NUP58: variants seen among roughly 807,000 people sequenced by gnomAD.
The protein encoded by NUP58 is nucleoporin p58/p45.
Under a neutral mutation model 70.1 loss-of-function variants are expected in NUP58, and 17 were observed. The ratio of observed to expected loss-of-function variants is 0.24; its 90% CI spans 0.17 to 0.36. NUP58 has a LOEUF of 0.36. Ranked by LOEUF, NUP58 falls within the 10% of genes least tolerant of loss-of-function variation. The probability of loss-of-function intolerance (pLI) is 1.00; values close to 1 mark genes in which losing one functional copy is unlikely to be tolerated. For synonymous variants in NUP58, 275 were observed against 257.6 expected, an observed-to-expected ratio of 1.07 and a Z score of -0.65; for missense variants, 644 against 701.5, an observed-to-expected ratio of 0.92 and a Z score of 0.93.
chr13:25,340,190 A>G lies in NUP58; in HGVS notation c.*56A>G, dbSNP rs964080102. ...GCAGCACCGTTCATTCTATGAGTCT[A>G]TTTTTCTAATGATGCAGTAATTAAA... On this transcript the variant is annotated 3_prime_UTR_variant, in exon 16 of 16. Transcript: ENST00000381736. 2.8e-5 allele frequency: 39 copies of G among 1,382,018 alleles called. No individual in the cohort carries two copies. Among genetic ancestry groups the G allele is most frequent in the Non-Finnish European group, 3.5e-5 (37 of 1,049,206 alleles). 85.6% of individuals were successfully genotyped at this position (1,382,018 alleles called of 1,614,324 possible). A position where few individuals can be genotyped will look rare whatever the true frequency, so the allele number is the denominator to read the frequency against.
chr13:25,336,761 T>C (rs1219150092), intron 13 of NUP58, among the ~76,000 whole-genome samples, 175 bp from the exon 14 acceptor site: 1 of 152,144 alleles, frequency 6.6e-6, no homozygotes, highest in East Asian at 1.9e-4. Context: ...TAAATCAGTT[T>C]GGATAGGTAA....
At chr13:25,304,521 T>TA (rs1491553153) in intron 1 of NUP58, among the ~76,000 whole-genome samples, 32 of 53,368 alleles carry the variant, frequency 6.0e-4, no homozygotes, top group African/African-American at 1.8e-3. Context: ...TATATATGTA[T>TA]TTTTTTTTTT....
chr13:25,312,564 C>G (rs952656459), intron 3 of NUP58, among the ~76,000 whole-genome samples: 1 of 152,150 alleles, frequency 6.6e-6, no homozygotes, highest in Non-Finnish European at 1.5e-5. Flanking sequence ...GGCAGGGTTT[C>G]ACCGTGTTGG....
intron 9 of NUP58, among the ~76,000 whole-genome samples, chr13:25,322,935 T>G (rs547863685): frequency 1.9e-4 from 29 of 152,286 alleles, no homozygotes; most frequent in African/African-American, 7.0e-4. Flanking sequence ...TATATATAAG[T>G]TATTTAGAAA....
chr13:25,301,865 G>A lies in NUP58; in HGVS notation c.92G>A (p.Gly31Glu), dbSNP rs776292538. Residue 31 changes from glycine (G) to glutamate (E), a missense_variant, in exon 1 of 16, where the codon GGA (glycine) becomes GAA (glutamate). Around this residue, in one of 4 missense-constraint regions of NUP58, gnomAD observed 430 missense variants for 409.2 expected, o/e 1.05. Coordinates refer to ENST00000381736, the MANE Select transcript of NUP58 (RefSeq NM_014089.4). ...AGCACAGGCGGCGTTTTCTCCTTCG[G>A]AACGGGAGCGTCTAGGTAACCGCAC... ...GTSTGGVFSF[G>E]TGASSNPSVG... 1.9e-6 allele frequency: 3 copies of A among 1,612,684 alleles called. No individual in the cohort carries two copies. The highest frequency in any genetic ancestry group is 1.3e-5 in the African/African-American group (1 of 74,916).
Position 25,327,441 on chromosome 13 carries a change from G to T in NUP58, c.1162G>T (p.Ala388Ser), listed in dbSNP as rs746741350. The change falls in exon 12 of 16, where the codon GCT becomes TCT. Residue 388 changes from alanine (A) to serine (S), a missense_variant. Physicochemically the swap from Ala to Ser is moderately conservative, Grantham distance 99 (BLOSUM62 1). This residue lies in a region of NUP58 where 78 missense variants were observed against 71.3 expected (regional missense o/e 1.09). Coordinates refer to ENST00000381736, the MANE Select transcript of NUP58 (RefSeq NM_014089.4). The part of the protein sequence containing the change: ...SHITPQDLSM[A>S]MQKIYQTFVA... ...ATTTTCTTTTATAGATTTGTCAATG[G>T]CTATGCAGAAAATTTATCAAACATT... 49 of 1,602,306 alleles carry T rather than the reference G, an allele frequency of 3.1e-5. No individual in the cohort carries two copies. Among genetic ancestry groups the T allele is most frequent in the Non-Finnish European group, 3.8e-5 (44 of 1,171,010 alleles).
At chr13:25,328,027 C>T (rs1457248914) in intron 12 of NUP58, among the ~76,000 whole-genome samples, 10 of 151,792 alleles carry the variant, frequency 6.6e-5, no homozygotes, top group Admixed American at 2.6e-4. Context: ...GGTGAAACCC[C>T]GTCTCTACTA....
Position 25,304,478 on chromosome 13 carries a change from TTATATATATATATATATATATATA to T in NUP58, c.107+2614_107+2637del, listed in dbSNP as rs67019897. Among the ~76,000 whole-genome samples the T allele has an allele frequency of 0.017, 1,397 of 83,440 alleles. 110 individuals are homozygous for T. The East Asian group carries it at 0.22, about 13-fold the overall frequency. The allele number at this position is 83,440 out of a possible 152,430, so 54.7% of individuals were successfully genotyped here. A position where few individuals can be genotyped will look rare whatever the true frequency, so the allele number is the denominator to read the frequency against. On this transcript the variant is annotated intron_variant, in intron 1 of 15. Transcript: ENST00000381736. ...AATGTCTTCAGTTATGTTGTCAAGA[TTATATATATATATATATATATATA>T]TATATATATATATATGTATTTTTTT...
intron 9 of NUP58, 136 bp from the exon 10 acceptor site, chr13:25,324,853 A>C: frequency 1.6e-6 from 1 of 644,374 alleles, no homozygotes; most frequent in Non-Finnish European, 2.7e-6. Context: ...CATCCATAAT[A>C]TGTTCTTATA....
chr13:25,307,554 T>A (rs1019986418), intron 1 of NUP58, among the ~76,000 whole-genome samples: 4 of 152,124 alleles, frequency 2.6e-5, no homozygotes, highest in African/African-American at 9.7e-5. Context: ...CTTTTACATG[T>A]GGATTTATTT....
At chr13:25,345,142 T>C (rs1326619747), downstream of NUP58, among the ~76,000 whole-genome samples, 1 of 152,222 alleles carries the variant, frequency 6.6e-6, no homozygotes, top group African/African-American at 2.4e-5. Flanking sequence ...TGAATATTAC[T>C]GTGTAAAGCA....
At chr13:25,321,462 G>C (rs555242574) in intron 9 of NUP58, among the ~76,000 whole-genome samples, 5 of 152,146 alleles carry the variant, frequency 3.3e-5, no homozygotes, top group Non-Finnish European at 7.4e-5. Context: ...AACTAACTAG[G>C]TTTCGTAAGT....
rs1335297770 is a variant in NUP58 at position 25,337,054 on chromosome 13, A to G, written c.1534+20A>G. The G allele has an allele frequency of 6.6e-7, 1 of 1,519,462 alleles. No homozygotes were observed. The highest frequency in any genetic ancestry group is 1.4e-5 in the African/African-American group (1 of 71,556). 94.1% of individuals were successfully genotyped at this position (1,519,462 alleles called of 1,614,324 possible). A position where few individuals can be genotyped will look rare whatever the true frequency, so the allele number is the denominator to read the frequency against. The stretch of plus-strand genomic sequence containing the variant: ...TTGGAGGTACACTTTAACTTTTCTA[A>G]TATTTCATTGAACTATTATATATTT... On this transcript the variant is annotated intron_variant, in intron 14 of 15. Coordinates refer to ENST00000381736, the MANE Select transcript of NUP58 (RefSeq NM_014089.4).
At chr13:25,347,318 T>G (rs1177991724), downstream of NUP58, among the ~76,000 whole-genome samples, 1 of 152,154 alleles carries the variant, frequency 6.6e-6, no homozygotes, top group African/African-American at 2.4e-5. Context: ...AGCCAGCAGT[T>G]GCATACTTCT....
chr13:25,334,413 G>A (rs957104004), intron 13 of NUP58: 59 of 985,198 alleles, frequency 6.0e-5, no homozygotes, highest in African/African-American at 1.6e-4. Context: ...GAGCCAAGAC[G>A]TTTTGTTAGG....
At position 25,313,237 on chromosome 13, in the gene NUP58, G is replaced by C. The variant is rs571326164; in HGVS notation, c.436+205G>C. Among the ~76,000 whole-genome samples, 6 of 152,330 alleles carry C rather than the reference G, an allele frequency of 3.9e-5. No homozygotes were observed. In the East Asian group the frequency reaches 1.2e-3, roughly 29 times the overall value. The stretch of plus-strand genomic sequence containing the variant: ...GAGGGCTAGAGAGGTAAAATGTAAA[G>C]CTGTTAATATTGACTTTGTTTTGAA... On this transcript the variant is annotated intron_variant, in intron 4 of 15. Transcript: ENST00000381736.
intron 12 of NUP58, among the ~76,000 whole-genome samples, chr13:25,328,870 A>G (rs1397086814): frequency 1.3e-5 from 2 of 152,220 alleles, no homozygotes; most frequent in East Asian, 3.8e-4. Context: ...CTGAGTCTAG[A>G]TAAATTATCA....
At chr13:25,304,446 A>G (rs1205402590) in intron 1 of NUP58, among the ~76,000 whole-genome samples, 1 of 140,508 alleles carries the variant, frequency 7.1e-6, no homozygotes, top group African/African-American at 2.7e-5. Context: ...ATTATGTAAT[A>G]CTTCATAATG....
At chr13:25,327,631 A>T in intron 12 of NUP58, 119 bp downstream of exon 12, 3 of 604,164 alleles carry the variant, frequency 5.0e-6, no homozygotes, top group Non-Finnish European at 8.8e-6. Flanking sequence ...AAGTGAAAAG[A>T]TGAAAACTAC....
Sources: allele counts gnomAD v4.1 joint callset (sites outside exome capture counted in the v4.1 genomes callset), GRCh38; gene constraint gnomAD v4.1.1; regional missense constraint gnomAD v4.1.1; transcripts MANE v1.5; gene names NCBI Gene and HGNC (gene_info 2026-07-23, HGNC 2026-07-21).